C7: variants seen among roughly 807,000 people sequenced by gnomAD.
C7 encodes complement C7.
A neutral mutation model predicts 104.8 loss-of-function variants in C7; 83 were observed. The ratio of observed to expected loss-of-function variants is 0.79; its 90% CI spans 0.66 to 0.95. C7 has a LOEUF of 0.95. C7 is among the 40% of genes least tolerant of loss of function. The pLI, the probability that C7 is intolerant of heterozygous loss-of-function variation, is 0.00. For synonymous variants in C7, 415 were observed against 360.6 expected, an observed-to-expected ratio of 1.15 and a Z score of -1.71; for missense variants, 1,070 against 1,011.2, an observed-to-expected ratio of 1.06 and a Z score of -0.79.
intron 1 of C7, among the ~76,000 whole-genome samples, chr5:40,927,272 A>C (rs897923120): frequency 1.3e-5 from 2 of 152,166 alleles, no homozygotes; most frequent in Non-Finnish European, 2.9e-5. Context: ...AGCCTTAAGC[A>C]TAAGACCAGA....
intron 4 of C7, 72 bp from the exon 5 acceptor site, chr5:40,936,266 C>G (rs559441522): frequency 2.1e-6 from 3 of 1,448,372 alleles, no homozygotes; most frequent in Middle Eastern, 1.8e-4. Flanking sequence ...GCAGGAAAAC[C>G]CTTTTTGGTC....
chr5:40,980,247 T>C, intron 17 of C7: 1 of 185,102 alleles, frequency 5.4e-6, no homozygotes. Context: ...AACTTAAAAA[T>C]GAAAACTTTA....
chr5:40,954,378 T>A (rs1739482283), intron 9 of C7, among the ~76,000 whole-genome samples: 1 of 152,164 alleles, frequency 6.6e-6, no homozygotes, highest in African/African-American at 2.4e-5. Flanking sequence ...ATATATATTA[T>A]GTATTTAAAG....
chr5:40,958,074 C>G lies in C7; in HGVS notation c.1302C>G (p.Ala434=), dbSNP rs1417566565. Residue 434 remains alanine, a synonymous_variant, in exon 11 of 18, where the codon GCC becomes GCG. Coordinates refer to ENST00000313164, the MANE Select transcript of C7 (RefSeq NM_000587.4). ...AGCTGGTAAAGGAAGTACCTTGTGCCTCTGTGAAAAAACTATACCTGAAAT... is the reference window on the plus strand; with the variant it reads ...AGCTGGTAAAGGAAGTACCTTGTGCGTCTGTGAAAAAACTATACCTGAAAT... ...LYELVKEVPC[A]SVKKLYLKWA... 3.7e-6 allele frequency: 6 copies of G among 1,613,520 alleles called. No homozygotes were observed. The African/African-American group carries it at 5.3e-5, about 14-fold the overall frequency.
At chr5:40,916,876 G>C (rs900319882) in intron 1 of C7, among the ~76,000 whole-genome samples, 2 of 152,032 alleles carry the variant, frequency 1.3e-5, no homozygotes, top group African/African-American at 2.4e-5. Flanking sequence ...TACTTTTGTA[G>C]GGAGAATACT....
intron 2 of C7, 33 bp from the exon 3 acceptor site, chr5:40,931,031 T>A: frequency 6.8e-7 from 1 of 1,470,516 alleles, no homozygotes; most frequent in East Asian, 2.3e-5. Context: ...TCTTTCCACC[T>A]GCTTTATGAT....
At chr5:40,921,761 G>T (rs7701563) in intron 1 of C7, among the ~76,000 whole-genome samples, 7,078 of 152,200 alleles carry the variant, frequency 0.047, 569 homozygotes, top group African/African-American at 0.16. Flanking sequence ...ATTGGGCTGG[G>T]CATGGTGGCT....
At chr5:40,933,960 G>T (rs1254717093) in intron 3 of C7, among the ~76,000 whole-genome samples, 13 of 147,688 alleles carry the variant, frequency 8.8e-5, no homozygotes, top group Non-Finnish European at 1.9e-4. Flanking sequence ...TTTTGAGACG[G>T]TGTCTCACTT....
At chr5:40,911,767 C>G (rs1206379121) in intron 1 of C7, among the ~76,000 whole-genome samples, 1 of 145,126 alleles carries the variant, frequency 6.9e-6, no homozygotes, top group Non-Finnish European at 1.5e-5. Context: ...GAGACAAAGT[C>G]TCACTCTGTT....
At chr5:40,920,499 A>G (rs538518617) in intron 1 of C7, among the ~76,000 whole-genome samples, 6 of 151,130 alleles carry the variant, frequency 4.0e-5, no homozygotes, top group African/African-American at 1.5e-4. Context: ...ACCAATAATG[A>G]GTAAAAAGAT....
At chr5:40,950,176 ATT>A (rs1197256422) in intron 9 of C7, among the ~76,000 whole-genome samples, 162 bp downstream of exon 9, 4 of 151,822 alleles carry the variant, frequency 2.6e-5, no homozygotes, top group Non-Finnish European at 2.9e-5. Context: ...CCCACTAGTT[ATT>A]TTTTCCTGAT....
In C7 at chr5:40,949,935, A is replaced by G. The variant is rs1403072118; in HGVS notation, c.1014A>G (p.Lys338=). ...DFNSVEEKKC[K]SSGWHFVVKF... ...ATTCAGTCGAAGAAAAGAAATGTAAATCCTCAGGTTGGCATTTTGTCGTTA... is the reference window on the plus strand; with the variant it reads ...ATTCAGTCGAAGAAAAGAAATGTAAGTCCTCAGGTTGGCATTTTGTCGTTA... The change falls in exon 9 of 18, where the codon AAA becomes AAG. Residue 338 remains lysine, a synonymous_variant. Coordinates refer to ENST00000313164, the MANE Select transcript of C7 (RefSeq NM_000587.4). 3.8e-6 allele frequency: 6 copies of G among 1,598,074 alleles called. No homozygotes were observed. The African/African-American group carries it at 6.7e-5, about 18-fold the overall frequency.
At chr5:40,968,800 C>T (rs150468421) in intron 14 of C7, among the ~76,000 whole-genome samples, 128 of 150,184 alleles carry the variant, frequency 8.5e-4, no homozygotes, top group African/African-American at 2.8e-3. Context: ...TTAGTAGAGA[C>T]GGGGTTTCAC....
chr5:40,966,207 G>A (rs963594703), intron 14 of C7, among the ~76,000 whole-genome samples: 2 of 151,798 alleles, frequency 1.3e-5, no homozygotes, highest in Non-Finnish European at 2.9e-5. Flanking sequence ...TGGTGCACCC[G>A]TCACTCAGGC....
At chr5:40,966,701 G>A (rs2111689983) in intron 14 of C7, among the ~76,000 whole-genome samples, 1 of 152,092 alleles carries the variant, frequency 6.6e-6, no homozygotes, top group African/African-American at 2.4e-5. Flanking sequence ...TAATTCCTGA[G>A]TTACTTCACT....
At chr5:40,928,552 A>G in intron 1 of C7, 28 bp from the exon 2 acceptor site, 1 of 1,308,742 alleles carries the variant, frequency 7.6e-7, no homozygotes. Flanking sequence ...GCAAGCTAAA[A>G]TAATACTTTA....
rs116099400 is a variant in C7 at position 40,934,532 on chromosome 5, C to T, written c.280+66C>T. The T allele has an allele frequency of 1.9e-3, 2,796 of 1,479,686 alleles. 51 individuals carry two copies. The African/African-American group carries it at 0.036, about 19-fold the overall frequency. 91.7% of individuals were successfully genotyped at this position (1,479,686 alleles called of 1,614,324 possible). ...TCAAACGTTATTTGGTGAACTTGCT[C>T]GTTATATATTTGTTAAATTTTACTG... On this transcript the variant is annotated intron_variant, in intron 4 of 17. Coordinates refer to ENST00000313164, the MANE Select transcript of C7 (RefSeq NM_000587.4).
intron 16 of C7, among the ~76,000 whole-genome samples, chr5:40,977,493 G>C (rs1251862878): frequency 6.6e-6 from 1 of 152,232 alleles, no homozygotes; most frequent in African/African-American, 2.4e-5. Context: ...GCCATACCCA[G>C]GTCCAAGGAG....
At chr5:40,967,171 T>C (rs1453813220) in intron 14 of C7, among the ~76,000 whole-genome samples, 9 of 151,774 alleles carry the variant, frequency 5.9e-5, no homozygotes, top group African/African-American at 2.2e-4. Flanking sequence ...GTTCAAGCGA[T>C]TCTCCTATCT....
Sources: gnomAD v4.1 joint callset for allele counts (sites outside exome capture counted in the v4.1 genomes callset) on GRCh38, gnomAD v4.1.1 for gene constraint, MANE v1.5 for transcripts, NCBI Gene and HGNC (gene_info 2026-07-23, HGNC 2026-07-21) for gene names.